WDR93: variants seen among roughly 807,000 people sequenced by gnomAD.
WDR93 encodes the protein WD repeat domain 93.
In WDR93, 73 loss-of-function variants were observed where a neutral mutation model predicts 82.9. That is an observed-to-expected ratio of 0.88 (90% confidence interval 0.73 to 1.07). The LOEUF (loss-of-function observed/expected upper bound fraction) is 1.07. Ranked by LOEUF, WDR93 falls within the 50% of genes least tolerant of loss-of-function variation. The pLI is 0.00. For missense variants in WDR93, 738 were observed against 826.0 expected (o/e 0.89, Z 1.31); for synonymous variants, 283 against 300.1 (o/e 0.94, Z 0.59).
intron 16 of WDR93, among the ~76,000 whole-genome samples, chr15:89,742,149 A>T (rs2141735645): frequency 6.6e-6 from 1 of 152,334 alleles, no homozygotes; most frequent in South Asian, 2.1e-4. Context: ...GCAGTTTGGG[A>T]GACAGAGATG....
intron 11 of WDR93, among the ~76,000 whole-genome samples, chr15:89,730,063 G>A (rs1254452657): frequency 1.3e-5 from 2 of 152,204 alleles, no homozygotes; most frequent in South Asian, 2.1e-4. Flanking sequence ...AATGGCTCAC[G>A]CCTATAATCC....
At chr15:89,690,613 A>C (rs1964817774), upstream of WDR93, 1 of 1,551,228 alleles carries the variant, frequency 6.4e-7, no homozygotes, top group Non-Finnish European at 8.7e-7. Flanking sequence ...CTGGTTGGTG[A>C]AGCGGGTGAA....
At position 89,735,565 on chromosome 15, in the gene WDR93, A is replaced by T. The variant is rs771071890; in HGVS notation, c.1608+12A>T. Reference sequence around the variant, plus strand: ...CCTTACCTGGCATGGTAGGTTCCCCATGCCTCTCTGTAAATGCCCCATGCC... The same window carrying T: ...CCTTACCTGGCATGGTAGGTTCCCCTTGCCTCTCTGTAAATGCCCCATGCC... On this transcript the variant is annotated intron_variant, in intron 14 of 16. Transcript: ENST00000268130. The T allele has an allele frequency of 3.1e-6, 5 of 1,613,536 alleles. No individual in the cohort carries two copies. The highest frequency in any genetic ancestry group is 4.2e-6 in the Non-Finnish European group (5 of 1,179,490).
chr15:89,727,752 AT>A (rs1036257104), intron 9 of WDR93, among the ~76,000 whole-genome samples: 53 of 151,960 alleles, frequency 3.5e-4, no homozygotes, highest in African/African-American at 1.2e-3. Context: ...AGCTCTAAAA[AT>A]TTTTTTTTCT....
chr15:89,694,877 C>T (rs546498569), intron 1 of WDR93, among the ~76,000 whole-genome samples: 13 of 152,252 alleles, frequency 8.5e-5, no homozygotes, highest in East Asian at 3.9e-4. Flanking sequence ...TATGGATCGG[C>T]ATTCATTTTT....
intron 11 of WDR93, among the ~76,000 whole-genome samples, chr15:89,730,909 G>A (rs1966853735): frequency 6.6e-6 from 1 of 152,076 alleles, no homozygotes; most frequent in Non-Finnish European, 1.5e-5. Context: ...AATGGAAGCA[G>A]TCACATGAGC....
At position 89,737,569 on chromosome 15, in the gene WDR93, C is replaced by G; in HGVS notation, c.1609-4C>G. On this transcript the variant is annotated splice_polypyrimidine_tract_variant and splice_region_variant and intron_variant, in intron 14 of 16. Transcript: ENST00000268130. Reference sequence around the variant, plus strand: ...GCCCCCCTCACCATCTCTTTGCTTCCCAGGTGCTCATCTTTTCCAAGAATG... The same window carrying G: ...GCCCCCCTCACCATCTCTTTGCTTCGCAGGTGCTCATCTTTTCCAAGAATG... 1.2e-6 allele frequency: 2 copies of G among 1,614,166 alleles called. No individual in the cohort carries two copies. Among genetic ancestry groups the G allele is most frequent in the South Asian group, 2.2e-5 (2 of 91,084 alleles).
intron 8 of WDR93, among the ~76,000 whole-genome samples, chr15:89,726,119 C>A (rs1024787667): frequency 6.6e-6 from 1 of 152,156 alleles, no homozygotes; most frequent in African/African-American, 2.4e-5. Flanking sequence ...ACTTTAGCTG[C>A]ATCAGACTCA....
chr15:89,706,668 G>GA lies in WDR93; in HGVS notation c.561+1059dup, dbSNP rs199882349. Among the ~76,000 whole-genome samples the GA allele has an allele frequency of 1.4e-4, 21 of 149,730 alleles. No individual in the cohort carries two copies. In the East Asian group the frequency reaches 2.5e-3, roughly 18 times the overall value. On this transcript the variant is annotated intron_variant, in intron 4 of 16. Transcript: ENST00000268130. Reference sequence around the variant, plus strand: ...TAAAGGCTAAAAACATTTCTTCTTGGAAAAAAAAACCACAGAGGAATTTTT... The same window carrying GA: ...TAAAGGCTAAAAACATTTCTTCTTGGAAAAAAAAAACCACAGAGGAATTTTT...
chr15:89,710,429 A>C (rs1965923856), intron 4 of WDR93, among the ~76,000 whole-genome samples: 1 of 152,204 alleles, frequency 6.6e-6, no homozygotes, highest in Non-Finnish European at 1.5e-5. Context: ...TTGCATATGG[A>C]AGTGTAGTTG....
At chr15:89,708,709 T>A (rs1322170357) in intron 4 of WDR93, among the ~76,000 whole-genome samples, 1 of 152,168 alleles carries the variant, frequency 6.6e-6, no homozygotes, top group African/African-American at 2.4e-5. Context: ...AGATGGAGTT[T>A]GAGGTTATTG....
At chr15:89,719,830 T>A (rs894050094) in intron 7 of WDR93, among the ~76,000 whole-genome samples, 1 of 151,892 alleles carries the variant, frequency 6.6e-6, no homozygotes, top group African/African-American at 2.4e-5. Flanking sequence ...AGATGGAATC[T>A]CGCTCTGTCA....
chr15:89,734,739 C>G (rs1232827083), intron 13 of WDR93, among the ~76,000 whole-genome samples: 2 of 152,148 alleles, frequency 1.3e-5, no homozygotes, highest in Non-Finnish European at 2.9e-5. Flanking sequence ...AATCCAAGCA[C>G]TTTGGGAGGC....
chr15:89,713,589 C>T (rs1966100186), intron 5 of WDR93, among the ~76,000 whole-genome samples: 1 of 151,998 alleles, frequency 6.6e-6, no homozygotes, highest in Non-Finnish European at 1.5e-5. Flanking sequence ...TCTCCCACCT[C>T]AGCCTGCCAA....
chr15:89,737,819 C>G (rs932574714), intron 15 of WDR93, 90 bp downstream of exon 15: 1 of 1,549,746 alleles, frequency 6.5e-7, no homozygotes, highest in Non-Finnish European at 8.8e-7. Context: ...ATCTCCTCCC[C>G]ACTCTGTGTC....
intron 1 of WDR93, among the ~76,000 whole-genome samples, chr15:89,693,413 C>T (rs72752540): frequency 0.18 from 27,080 of 152,090 alleles, 2,581 homozygotes; most frequent in Middle Eastern, 0.23. Context: ...AATGACTGTT[C>T]GTGTACAAGT....
chr15:89,701,024 T>C (rs757051137), intron 1 of WDR93, among the ~76,000 whole-genome samples: 5 of 152,124 alleles, frequency 3.3e-5, no homozygotes, highest in Admixed American at 1.3e-4. Context: ...GCTAATAAAT[T>C]GTAAATATTT....
rs2141717974 is a variant in WDR93, at chr15:89,737,836, T to C, written c.1765+107T>C. ...CTCCTCCCCACTCTGTGTCCCCCTC[T>C]ACCATAGGCCAAAGGGTACCGCAGC... On this transcript the variant is annotated intron_variant, in intron 15 of 16. Coordinates refer to ENST00000268130, the MANE Select transcript of WDR93 (RefSeq NM_020212.2). The C allele has an allele frequency of 2.7e-6, 4 of 1,496,784 alleles. No individual in the cohort carries two copies. The South Asian group carries it at 3.8e-5, about 14-fold the overall frequency. 92.7% of individuals were successfully genotyped at this position (1,496,784 alleles called of 1,614,324 possible).
At chr15:89,735,084 G>A (rs543264960) in intron 13 of WDR93, among the ~76,000 whole-genome samples, 2 of 144,338 alleles carry the variant, frequency 1.4e-5, no homozygotes, top group South Asian at 4.5e-4. Flanking sequence ...GTCTCACTCT[G>A]TAGCCCAGGC....
Sources: gnomAD v4.1 joint callset for allele counts (sites outside exome capture counted in the v4.1 genomes callset) on GRCh38, gnomAD v4.1.1 for gene constraint, MANE v1.5 for transcripts, NCBI Gene and HGNC (gene_info 2026-07-23, HGNC 2026-07-21) for gene names.